The following ARSJ variants were observed in gnomAD, a reference collection of about 807,000 sequenced individuals.
ARSJ encodes the protein arylsulfatase family member J.
ARSJ carries 26 observed loss-of-function variants against 35.9 expected under a neutral mutation model. That is an observed-to-expected ratio of 0.72 (90% CI 0.53 to 1.00). ARSJ has a LOEUF of 1.00. Ranked by LOEUF, ARSJ falls within the 50% of genes least tolerant of loss-of-function variation. The probability of loss-of-function intolerance (pLI) is 0.00; values close to 1 mark genes in which losing one functional copy is unlikely to be tolerated. For synonymous variants in ARSJ, 294 were observed against 267.6 expected (o/e 1.10, Z -0.96); for missense variants, 667 against 723.6 (o/e 0.92, Z 0.90).
rs377517615 is a variant in ARSJ, at chr4:113,903,003, G to C, written c.1071C>G (p.Gly357=). 31 of 1,614,008 alleles carry C rather than the reference G, an allele frequency of 1.9e-5. No individual in the cohort carries two copies. Among genetic ancestry groups the C allele is most frequent in the Non-Finnish European group, 2.5e-5 (30 of 1,180,036 alleles). ...TTTTCAGAAGTGGGCTATGCACAAAGCCTACAGCCCGGATCCCTCCTTCCC... is the reference window on the plus strand; with the variant it reads ...TTTTCAGAAGTGGGCTATGCACAAACCCTACAGCCCGGATCCCTCCTTCCC... ...TYWEGGIRAV[G]FVHSPLLKNK... The change falls in exon 2 of 2, where the codon GGC becomes GGG. Residue 357 remains glycine (G), a synonymous_variant. Transcript: ENST00000315366.
chr4:113,916,959 G>T (rs763475936), intron 1 of ARSJ, among the ~76,000 whole-genome samples: 2 of 152,136 alleles, frequency 1.3e-5, no homozygotes, highest in African/African-American at 2.4e-5. Context: ...ATGCTGTGTT[G>T]TAATTACTTA....
chr4:113,906,605 A>G (rs2099668816), intron 1 of ARSJ: 1 of 329,094 alleles, frequency 3.0e-6, no homozygotes, highest in Non-Finnish European at 6.0e-6. Flanking sequence ...GTGGAATAGG[A>G]GGAAGTTTCA....
intron 1 of ARSJ, among the ~76,000 whole-genome samples, chr4:113,933,960 T>C (rs1217107125): frequency 1.3e-5 from 2 of 151,874 alleles, no homozygotes; most frequent in African/African-American, 4.8e-5. Flanking sequence ...TCACCTTGTA[T>C]GCAGACAACA....
intron 1 of ARSJ, among the ~76,000 whole-genome samples, chr4:113,917,066 ATAT>A (rs1723354456): frequency 6.6e-6 from 1 of 152,126 alleles, no homozygotes; most frequent in Non-Finnish European, 1.5e-5. Flanking sequence ...AGTTTCCAAA[ATAT>A]TATACAAATA....
At chr4:113,931,177 TA>T (rs199778741) in intron 1 of ARSJ, among the ~76,000 whole-genome samples, 293 of 143,548 alleles carry the variant, frequency 2.0e-3, no homozygotes, top group African/African-American at 6.4e-3. Flanking sequence ...AAGTATAATT[TA>T]AAAAAAAATA....
intron 1 of ARSJ, among the ~76,000 whole-genome samples, chr4:113,931,676 C>A (rs1724461764): frequency 6.6e-6 from 1 of 152,002 alleles, no homozygotes; most frequent in South Asian, 2.1e-4. Context: ...GGCAGGACCT[C>A]ATGTCAAGGG....
chr4:113,952,776 G>A (rs577817811), intron 1 of ARSJ, among the ~76,000 whole-genome samples: 3 of 152,130 alleles, frequency 2.0e-5, no homozygotes, highest in East Asian at 3.9e-4. Flanking sequence ...TTTAGATATG[G>A]TTCACATAAG....
At chr4:113,971,214 T>C (rs1439691374) in intron 1 of ARSJ, among the ~76,000 whole-genome samples, 1 of 152,040 alleles carries the variant, frequency 6.6e-6, no homozygotes, top group Non-Finnish European at 1.5e-5. Context: ...AAAAACTGAA[T>C]GAAACCAAAC....
chr4:113,957,639 A>G (rs962056910), intron 1 of ARSJ, among the ~76,000 whole-genome samples: 2 of 152,050 alleles, frequency 1.3e-5, no homozygotes, highest in Non-Finnish European at 2.9e-5. Flanking sequence ...AATGCACAAC[A>G]TTTACTTTCA....
chr4:113,972,460 C>T (rs988808454), intron 1 of ARSJ, among the ~76,000 whole-genome samples: 1 of 152,116 alleles, frequency 6.6e-6, no homozygotes, highest in African/African-American at 2.4e-5. Flanking sequence ...CCCATCCCAA[C>T]TCCCTAACCC....
intron 1 of ARSJ, among the ~76,000 whole-genome samples, chr4:113,925,927 A>G (rs1724028794): frequency 6.6e-6 from 1 of 152,144 alleles, no homozygotes; most frequent in Non-Finnish European, 1.5e-5. Flanking sequence ...TAGTGGCTGT[A>G]GCCAGGTCAG....
At chr4:113,977,174 T>A (rs1320932058) in intron 1 of ARSJ, among the ~76,000 whole-genome samples, 1 of 152,174 alleles carries the variant, frequency 6.6e-6, no homozygotes, top group Admixed American at 6.5e-5. Context: ...ATGGACTAGT[T>A]ATTTTCCAGC....
chr4:113,911,454 AG>A (rs1192359243), intron 1 of ARSJ, among the ~76,000 whole-genome samples: 1 of 152,218 alleles, frequency 6.6e-6, no homozygotes, highest in East Asian at 1.9e-4. Context: ...AGACCTAGGC[AG>A]GGAGAAGTGG....
chr4:113,929,262 A>T (rs961054884), intron 1 of ARSJ, among the ~76,000 whole-genome samples: 10 of 152,118 alleles, frequency 6.6e-5, no homozygotes, highest in Non-Finnish European at 1.5e-5. Context: ...GCCCACTGGG[A>T]CTTTAGTCTA....
chr4:113,912,603 G>A (rs899620123), intron 1 of ARSJ, among the ~76,000 whole-genome samples: 1 of 152,004 alleles, frequency 6.6e-6, no homozygotes, highest in Non-Finnish European at 1.5e-5. Flanking sequence ...AATATCTATT[G>A]TATTATTACA....
intron 1 of ARSJ, among the ~76,000 whole-genome samples, chr4:113,919,264 C>G (rs1723517134): frequency 6.6e-6 from 1 of 152,068 alleles, no homozygotes; most frequent in Admixed American, 6.6e-5. Context: ...CCCTGAAAGA[C>G]TACTGGACTC....
At chr4:113,918,592 T>C (rs1723467660) in intron 1 of ARSJ, among the ~76,000 whole-genome samples, 1 of 152,142 alleles carries the variant, frequency 6.6e-6, no homozygotes, top group African/African-American at 2.4e-5. Flanking sequence ...TATTTTATGG[T>C]TAAAATTTTC....
chr4:113,934,467 T>C (rs1259884596), intron 1 of ARSJ, among the ~76,000 whole-genome samples: 5 of 151,740 alleles, frequency 3.3e-5, no homozygotes, highest in African/African-American at 9.7e-5. Flanking sequence ...TTATATTAAG[T>C]AAAAGAGGTC....
chr4:113,906,860 C>T, intron 1 of ARSJ: 1 of 365,670 alleles, frequency 2.7e-6, no homozygotes, highest in South Asian at 2.1e-5. Context: ...TCCCAGAATG[C>T]TGAATCGGTG....
Sources: allele counts gnomAD v4.1 joint callset (sites outside exome capture counted in the v4.1 genomes callset), GRCh38; gene constraint gnomAD v4.1.1; transcripts MANE v1.5; gene names NCBI Gene and HGNC (gene_info 2026-07-23, HGNC 2026-07-21).